The following DOP1B variants were observed in gnomAD, a reference collection of about 807,000 sequenced individuals.
The protein encoded by DOP1B is DOP1 leucine zipper like protein B, also known as protein DOP1B.
A neutral mutation model predicts 233.5 loss-of-function variants in DOP1B; 174 were observed. The observed-to-expected ratio is 0.75, with a 90% confidence interval of 0.66 to 0.85. DOP1B has a LOEUF of 0.85. Among genes scored for constraint, DOP1B ranks in the 40% least tolerant of loss-of-function variants. The pLI, the probability that DOP1B is intolerant of heterozygous loss-of-function variation, is 0.00. For missense variants in DOP1B, 2,652 were observed against 2,846.6 expected (o/e 0.93, Z 1.56); for synonymous variants, 1,190 against 1,185.6 (o/e 1.00, Z -0.08).
At chr21:36,225,797 T>C (rs2066676043) in intron 12 of DOP1B, 130 bp downstream of exon 12, 1 of 925,052 alleles carries the variant, frequency 1.1e-6, no homozygotes, top group South Asian at 1.6e-5. Flanking sequence ...TTTTGATGTT[T>C]GTTTTGGCAT....
At chr21:36,265,509 C>A (rs1046133745) in intron 26 of DOP1B, among the ~76,000 whole-genome samples, 1 of 152,250 alleles carries the variant, frequency 6.6e-6, no homozygotes, top group African/African-American at 2.4e-5. Context: ...AATGCCGATG[C>A]TGCACGTCCA....
At chr21:36,225,731 G>T in intron 12 of DOP1B, 64 bp downstream of exon 12, 1 of 1,518,010 alleles carries the variant, frequency 6.6e-7, no homozygotes, top group Non-Finnish European at 9.1e-7. Context: ...GGTGGTGATG[G>T]CCTGCTTTAT....
At chr21:36,231,671 G>GTTTTTT (rs1223755186) in intron 14 of DOP1B, among the ~76,000 whole-genome samples, 1 of 146,430 alleles carries the variant, frequency 6.8e-6, no homozygotes. Flanking sequence ...TTTGTGTTGG[G>GTTTTTT]TTTTTTTGTT....
In DOP1B at chr21:36,181,247, G is replaced by A. The variant is rs530693051; in HGVS notation, c.138+16376G>A. On this transcript the variant is annotated intron_variant, in intron 2 of 36. Transcript: ENST00000691173. ...ATGGGTGGGCAGCTCTCTTCTACAC[G>A]GTCATTCCAGAAACTCAAGCTAGGA... Among the ~76,000 whole-genome samples, 83 of 151,904 alleles carry A rather than the reference G, an allele frequency of 5.5e-4. 3 individuals carry two copies. The South Asian group carries it at 0.016, about 29-fold the overall frequency.
At chr21:36,226,951 A>T (rs144068955) in intron 12 of DOP1B, among the ~76,000 whole-genome samples, 1 of 152,056 alleles carries the variant, frequency 6.6e-6, no homozygotes, top group Non-Finnish European at 1.5e-5. Context: ...CACGTCTGTA[A>T]TCCCAGCACT....
intron 2 of DOP1B, chr21:36,170,010 T>G (rs772893289): frequency 5.3e-6 from 4 of 748,334 alleles, no homozygotes; most frequent in South Asian, 4.1e-5. Context: ...CGACTTCCCG[T>G]GTGATGTGGG....
chr21:36,268,013 GTT>G (rs2067249965), intron 26 of DOP1B, among the ~76,000 whole-genome samples: 1 of 152,152 alleles, frequency 6.6e-6, no homozygotes, highest in African/African-American at 2.4e-5. Context: ...AAGGGTCTAT[GTT>G]CAGCGGTGCA....
At chr21:36,176,097 C>CGTGTGCGTGTGCGTGTGT (rs375729449) in intron 2 of DOP1B, among the ~76,000 whole-genome samples, 1 of 141,744 alleles carries the variant, frequency 7.1e-6, no homozygotes, top group Non-Finnish European at 1.6e-5. Context: ...GGTGTGTGTG[C>CGTGTGCGTGTGCGTGTGT]GTGTGTGTGT....
At chr21:36,173,580 C>A (rs979568533) in intron 2 of DOP1B, among the ~76,000 whole-genome samples, 1 of 152,078 alleles carries the variant, frequency 6.6e-6, no homozygotes, top group Admixed American at 6.6e-5. Context: ...CACCACCACA[C>A]CCGGCTAATT....
intron 36 of DOP1B, 136 bp downstream of exon 36, chr21:36,292,369 G>T: frequency 1.5e-6 from 1 of 661,644 alleles, no homozygotes; most frequent in Non-Finnish European, 2.4e-6. Context: ...TGATTCTCCT[G>T]CCTCAGCTTC....
chr21:36,167,381 G>A (rs897385782), intron 2 of DOP1B, among the ~76,000 whole-genome samples: 4 of 152,040 alleles, frequency 2.6e-5, no homozygotes, highest in African/African-American at 9.7e-5. Flanking sequence ...CACCATGTTG[G>A]CCAGGCTGGT....
rs757806323 is a variant in DOP1B, at chr21:36,200,441, T to A, written c.431T>A (p.Leu144Gln). The A allele has an allele frequency of 6.2e-7, 1 of 1,613,384 alleles. No homozygotes were observed. Among genetic ancestry groups the A allele is most frequent in the East Asian group, 2.2e-5 (1 of 44,872 alleles). ...CTGCAGAAGCTGCTCCTGCCCAGTC[T>A]GCAGGCCTTCATCGTGGGCCTGCTG... ...LPLQKLLLPS[L>Q]QAFIVGLLPG... Residue 144 changes from leucine to glutamine, a missense_variant, in exon 4 of 37, where the codon CTG becomes CAG. Physicochemically the swap from Leu to Gln is moderately radical, Grantham distance 113. Around this residue, in one of 3 missense-constraint regions of DOP1B, gnomAD observed 2,617 missense variants for 2,794.3 expected, o/e 0.94. Coordinates refer to ENST00000691173, the MANE Select transcript of DOP1B (RefSeq NM_001320714.2).
At position 36,248,558 on chromosome 21, in the gene DOP1B, A is replaced by T; in HGVS notation, c.4988A>T (p.Lys1663Ile). The change falls in exon 21 of 37, where the codon AAA (lysine) becomes ATA (isoleucine). Residue 1663 changes from lysine to isoleucine, a missense_variant. Physicochemically the swap from Lys to Ile is moderately radical, Grantham distance 102. Coordinates refer to ENST00000691173, the MANE Select transcript of DOP1B (RefSeq NM_001320714.2). ...AAGGGATCCTCTTCCGTTTACTTTA[A>T]AACCACCAAAGTAAGAGGATGTCTC... ...ATKGSSSVYF[K>I]TTKTIRQKIL... The T allele has an allele frequency of 6.2e-7, 1 of 1,606,662 alleles. No homozygotes were observed. The highest frequency in any genetic ancestry group is 8.5e-7 in the Non-Finnish European group (1 of 1,177,140).
intron 35 of DOP1B, among the ~76,000 whole-genome samples, chr21:36,291,334 G>T (rs1193279080): frequency 6.6e-6 from 1 of 151,988 alleles, no homozygotes; most frequent in African/African-American, 2.4e-5. Context: ...GCTGAGGCAG[G>T]TGGATCACGA....
intron 2 of DOP1B, among the ~76,000 whole-genome samples, chr21:36,176,362 A>C (rs2845749): frequency 0.029 from 4,346 of 152,124 alleles, 230 homozygotes; most frequent in African/African-American, 0.1. Flanking sequence ...CTGCATGCTC[A>C]GTGCCTAGAA....
chr21:36,172,443 T>G (rs1249171218), intron 2 of DOP1B, among the ~76,000 whole-genome samples: 1 of 152,166 alleles, frequency 6.6e-6, no homozygotes, highest in East Asian at 1.9e-4. Context: ...CATTCAAGGG[T>G]CCCTGATAGG....
intron 5 of DOP1B, 83 bp from the exon 6 acceptor site, chr21:36,211,470 C>A: frequency 1.5e-6 from 2 of 1,311,576 alleles, no homozygotes; most frequent in Non-Finnish European, 2.2e-6. Flanking sequence ...GCAGGAGTTT[C>A]AAGATTCCCG....
At position 36,237,419 on chromosome 21, in the gene DOP1B, G is replaced by T. The variant is rs768146828; in HGVS notation, c.2775+5G>T. On this transcript the variant is annotated splice_donor_5th_base_variant and intron_variant, in intron 16 of 36. Transcript: ENST00000691173. ...GCCCTCCTGGACCCTGACAAGGTGA[G>T]CCTTTCTGGCCGCCACCTCCATCCT... The T allele has an allele frequency of 6.8e-6, 11 of 1,613,526 alleles. No homozygotes were observed. In the Admixed American group the frequency reaches 8.3e-5, roughly 12 times the overall value.
At chr21:36,173,809 T>C (rs1222914234) in intron 2 of DOP1B, among the ~76,000 whole-genome samples, 4 of 151,842 alleles carry the variant, frequency 2.6e-5, no homozygotes, top group African/African-American at 7.3e-5. Context: ...ATTTTGGAAG[T>C]GAAGGCTAAT....
Sources: gnomAD v4.1 joint callset for allele counts (sites outside exome capture counted in the v4.1 genomes callset) on GRCh38, gnomAD v4.1.1 for gene constraint, gnomAD v4.1.1 regional missense constraint, MANE v1.5 for transcripts, NCBI Gene and HGNC (gene_info 2026-07-23, HGNC 2026-07-21) for gene names.